The following JPH2 variants were observed in gnomAD, a reference collection of about 807,000 sequenced individuals.
JPH2 encodes the protein junctophilin-2.
Under a neutral mutation model 55.9 loss-of-function variants are expected in JPH2, and 38 were observed. That is an observed-to-expected ratio of 0.68 (90% CI 0.52 to 0.89). The LOEUF (loss-of-function observed/expected upper bound fraction) is 0.89, where lower values mean the gene tolerates loss of function less well. Ranked by LOEUF, JPH2 falls within the 40% of genes least tolerant of loss-of-function variation. The pLI, the probability that JPH2 is intolerant of heterozygous loss-of-function variation, is 0.00. For missense variants in JPH2, 964 were observed against 1,037.6 expected (o/e 0.93, Z 0.97); for synonymous variants, 480 against 472.4 (o/e 1.02, Z -0.21).
At chr20:44,127,768 G>A (rs547791837) in intron 2 of JPH2, among the ~76,000 whole-genome samples, 57 of 152,236 alleles carry the variant, frequency 3.7e-4, no homozygotes, top group African/African-American at 1.2e-3. Context: ...GATTACAGGC[G>A]TGAGCCACCG....
intron 1 of JPH2, among the ~76,000 whole-genome samples, chr20:44,180,275 G>A (rs1211152700): frequency 6.6e-6 from 1 of 152,028 alleles, no homozygotes; most frequent in Non-Finnish European, 1.5e-5. Flanking sequence ...TGCTAGGAAT[G>A]GTGCCTGGGA....
At chr20:44,134,889 A>ATATTTATATACATATATAAAAT (rs1569195849) in intron 2 of JPH2, among the ~76,000 whole-genome samples, 4 of 37,026 alleles carry the variant, frequency 1.1e-4, no homozygotes, top group African/African-American at 2.1e-4. Flanking sequence ...TATATATATT[A>ATATTTATATACATATATAAAAT]ATATATATTT....
intron 2 of JPH2, among the ~76,000 whole-genome samples, chr20:44,157,829 G>A (rs555357442): frequency 6.6e-6 from 1 of 151,020 alleles, no homozygotes; most frequent in Non-Finnish European, 1.5e-5. Flanking sequence ...CTCCTGCCAG[G>A]CCATTTACAT....
rs2072111548 is a variant in JPH2 at position 44,106,763 on chromosome 20, T to C, written c.*6755A>G. On this transcript the variant is annotated 3_prime_UTR_variant, in exon 6 of 6. Transcript: ENST00000372980. ...AAAATCATCGATCTCATGAGACTTA[T>C]TCACTACCACGAGAACGGCACGGGA... is the stretch of plus-strand genomic sequence containing the variant. 6.6e-6 allele frequency among the ~76,000 whole-genome samples: 1 copy of C among 152,074 alleles called. No individual in the cohort carries two copies. Among genetic ancestry groups the C allele is most frequent in the South Asian group, 2.1e-4 (1 of 4,822 alleles).
chr20:44,130,358 T>C (rs1416006157), intron 2 of JPH2, among the ~76,000 whole-genome samples: 1 of 152,252 alleles, frequency 6.6e-6, no homozygotes, highest in African/African-American at 2.4e-5. Flanking sequence ...CCGAGTTTTA[T>C]ATTCCTGATA....
intron 1 of JPH2, among the ~76,000 whole-genome samples, chr20:44,168,234 T>A (rs1466895801): frequency 6.6e-6 from 1 of 152,086 alleles, no homozygotes; most frequent in Non-Finnish European, 1.5e-5. Flanking sequence ...TTCTGCCCGG[T>A]TTGTAAGTTG....
rs2072142198 is a variant in JPH2 at position 44,111,343 on chromosome 20, T to C, written c.*2175A>G. ...TAATGTAATCCTCACTACCAGGAGG[T>C]AGGCTCTGTAATTATCCCCATTTTA... On this transcript the variant is annotated 3_prime_UTR_variant, in exon 6 of 6. Transcript: ENST00000372980. Among the ~76,000 whole-genome samples, 1 of 152,082 alleles carries C rather than the reference T, an allele frequency of 6.6e-6. No homozygotes were observed. The highest frequency in any genetic ancestry group is 2.4e-5 in the African/African-American group (1 of 41,394).
At chr20:44,179,287 A>T (rs1197660531) in intron 1 of JPH2, among the ~76,000 whole-genome samples, 2 of 152,200 alleles carry the variant, frequency 1.3e-5, no homozygotes, top group Non-Finnish European at 2.9e-5. Context: ...TCAATTTTAC[A>T]TTCTTTTTAG....
Position 44,112,215 on chromosome 20 carries a change from GCAGCAGTTCC to G in JPH2, c.*1293_*1302del, listed in dbSNP as rs1243445305. ...GGTCCACAGAAATGAAGGGAGGACA[GCAGCAGTTCC>G]CTCTGGCTCAGCTTGGATGCCACGT... On this transcript the variant is annotated 3_prime_UTR_variant, in exon 6 of 6. Coordinates refer to ENST00000372980, the MANE Select transcript of JPH2 (RefSeq NM_020433.5). The G allele has an allele frequency of 6.6e-6, 1 of 152,308 alleles. No individual in the cohort carries two copies. The highest frequency in any genetic ancestry group is 1.5e-5 in the Non-Finnish European group (1 of 68,116). The allele number at this position is 152,308 out of a possible 1,614,324, so 9.4% of individuals were successfully genotyped here. A position where few individuals can be genotyped will look rare whatever the true frequency, so the allele number is the denominator to read the frequency against.
intron 1 of JPH2, among the ~76,000 whole-genome samples, chr20:44,176,607 G>T (rs1367874361): frequency 1.3e-5 from 2 of 151,948 alleles, no homozygotes; most frequent in African/African-American, 4.8e-5. Flanking sequence ...TTTGAGACCA[G>T]CCAGGGCAAC....
chr20:44,180,620 T>C (rs528373043), intron 1 of JPH2, among the ~76,000 whole-genome samples: 3 of 152,278 alleles, frequency 2.0e-5, no homozygotes, highest in East Asian at 1.9e-4. Flanking sequence ...ATTAGCTTTA[T>C]GGAAAAAAGT....
chr20:44,178,038 G>T, intron 1 of JPH2: 1 of 798,156 alleles, frequency 1.3e-6, no homozygotes, highest in South Asian at 1.3e-5. Context: ...ATATGGTTAA[G>T]AACCGGCACA....
chr20:44,119,313 T>C (rs779634060), intron 2 of JPH2, among the ~76,000 whole-genome samples: 57 of 152,346 alleles, frequency 3.7e-4, no homozygotes, highest in Non-Finnish European at 5.9e-4. Flanking sequence ...GAGATTTCTA[T>C]TGGTGACAAA....
intron 2 of JPH2, among the ~76,000 whole-genome samples, chr20:44,141,582 C>A (rs770096475): frequency 2.6e-5 from 4 of 151,996 alleles, no homozygotes; most frequent in African/African-American, 4.8e-5. Flanking sequence ...GATCATAGCT[C>A]ACTGAAGCCT....
Position 44,182,108 on chromosome 20 carries a change from G to A in JPH2, c.379+4219C>T, listed in dbSNP as rs145696183. ...CCATTTTATAGACAAGGAAATTAAG[G>A]TTTGGTGAGTTTAAATAATGTGGCA... On this transcript the variant is annotated intron_variant, in intron 1 of 5. Coordinates refer to ENST00000372980, the MANE Select transcript of JPH2 (RefSeq NM_020433.5). 2.8e-3 allele frequency among the ~76,000 whole-genome samples: 427 copies of A among 152,290 alleles called. 3 individuals carry two copies. The highest frequency in any genetic ancestry group is 0.01 in the Middle Eastern group (3 of 294).
At chr20:44,118,687 C>T in intron 2 of JPH2, 64 bp from the exon 3 acceptor site, 1 of 1,272,394 alleles carries the variant, frequency 7.9e-7, no homozygotes, top group Non-Finnish European at 1.1e-6. Flanking sequence ...TGCCCCTTCT[C>T]CCCAACCCAC....
Position 44,107,644 on chromosome 20 carries a change from T to G in JPH2, c.*5874A>C, listed in dbSNP as rs1309742266. Reference sequence around the variant, plus strand: ...GAGGGACAGCTATTCTATGACAAACTTATATGGTGTATAGCAATTATAAAC... The same window carrying G: ...GAGGGACAGCTATTCTATGACAAACGTATATGGTGTATAGCAATTATAAAC... On this transcript the variant is annotated 3_prime_UTR_variant, in exon 6 of 6. Coordinates refer to ENST00000372980, the MANE Select transcript of JPH2 (RefSeq NM_020433.5). Among the ~76,000 whole-genome samples, 1 of 152,216 alleles carries G rather than the reference T, an allele frequency of 6.6e-6. No homozygotes were observed. Among genetic ancestry groups the G allele is most frequent in the Admixed American group, 6.5e-5 (1 of 15,274 alleles).
intron 1 of JPH2, among the ~76,000 whole-genome samples, chr20:44,163,846 G>A (rs1359116509): frequency 6.6e-6 from 1 of 152,128 alleles, no homozygotes; most frequent in Non-Finnish European, 1.5e-5. Flanking sequence ...AGCCCCTCTG[G>A]ACAGCAAGAA....
In JPH2 at chr20:44,110,696, G is replaced by A. The variant is rs2072135845; in HGVS notation, c.*2822C>T. ...TCCACCTGCCTCAGCCTCCTCTAAC[G>A]TGCTGGAATTATAGGTGTGAGCCAC... On this transcript the variant is annotated 3_prime_UTR_variant, in exon 6 of 6. Coordinates refer to ENST00000372980, the MANE Select transcript of JPH2 (RefSeq NM_020433.5). Among the ~76,000 whole-genome samples the A allele has an allele frequency of 6.6e-6, 1 of 152,154 alleles. No homozygotes were observed. The highest frequency in any genetic ancestry group is 1.5e-5 in the Non-Finnish European group (1 of 68,030).
Sources: gnomAD v4.1 joint callset for allele counts (sites outside exome capture counted in the v4.1 genomes callset) on GRCh38, gnomAD v4.1.1 for gene constraint, MANE v1.5 for transcripts, NCBI Gene and HGNC (gene_info 2026-07-23, HGNC 2026-07-21) for gene names.